TEK: variants seen among roughly 807,000 people sequenced by gnomAD.
TEK encodes the protein angiopoietin-1 receptor.
TEK carries 43 observed loss-of-function variants against 131.8 expected under a neutral mutation model. That is an observed-to-expected ratio of 0.33 (90% CI 0.26 to 0.42). TEK has a LOEUF of 0.42. Among genes scored for constraint, TEK ranks in the 10% least tolerant of loss-of-function variants. The probability of loss-of-function intolerance (pLI) is 1.00; values close to 1 mark genes in which losing one functional copy is unlikely to be tolerated. For missense variants in TEK, 1,162 were observed against 1,384.4 expected, an observed-to-expected ratio of 0.84 and a Z score of 2.55; for synonymous variants, 580 against 491.6, an observed-to-expected ratio of 1.18 and a Z score of -2.38.
At chr9:27,216,831 AT>A (rs1323212862) in intron 18 of TEK, among the ~76,000 whole-genome samples, 1 of 152,084 alleles carries the variant, frequency 6.6e-6, no homozygotes, top group Non-Finnish European at 1.5e-5. Context: ...CCACTGGCTA[AT>A]CTAGGTGGAG....
chr9:27,197,230 A>T, intron 11 of TEK, 85 bp from the exon 12 acceptor site: 1 of 1,467,054 alleles, frequency 6.8e-7, no homozygotes, highest in Admixed American at 1.7e-5. Context: ...TGGGGATTAC[A>T]TTTCAGTATG....
chr9:27,223,248 C>T (rs559767824), intron 21 of TEK, among the ~76,000 whole-genome samples: 66 of 152,148 alleles, frequency 4.3e-4, no homozygotes, highest in African/African-American at 1.3e-3. Context: ...ATATTCAGGA[C>T]TTGAATTCAG....
chr9:27,157,986 G>C lies in TEK; in HGVS notation c.208G>C (p.Asp70His). Residue 70 changes from aspartate (D) to histidine (H), a missense_variant, in exon 2 of 23, where the codon GAT becomes CAT. Around this residue, in one of 6 missense-constraint regions of TEK, gnomAD observed 436 missense variants for 539.1 expected, o/e 0.81. Coordinates refer to ENST00000380036, the MANE Select transcript of TEK (RefSeq NM_000459.5). Reference protein sequence around the residue: ...DFEALMNQHQDPLEVTQDVTR... With the variant: ...DFEALMNQHQHPLEVTQDVTR... Reference sequence around the variant, plus strand: ...TGAAGCCTTAATGAACCAGCACCAGGATCCGCTGGAAGTTACTCAAGATGT... The same window carrying C: ...TGAAGCCTTAATGAACCAGCACCAGCATCCGCTGGAAGTTACTCAAGATGT... 6.2e-7 allele frequency: 1 copy of C among 1,614,040 alleles called. No individual in the cohort carries two copies. The highest frequency in any genetic ancestry group is 1.1e-5 in the South Asian group (1 of 91,048).
chr9:27,185,929 G>A (rs1448510089), intron 9 of TEK, among the ~76,000 whole-genome samples: 1 of 152,116 alleles, frequency 6.6e-6, no homozygotes, highest in Non-Finnish European at 1.5e-5. Context: ...CATAATTTAG[G>A]TACCTCTTAG....
chr9:27,172,755 A>G lies in TEK; in HGVS notation c.760+8A>G. On this transcript the variant is annotated splice_region_variant and intron_variant, in intron 5 of 22. Coordinates refer to ENST00000380036, the MANE Select transcript of TEK (RefSeq NM_000459.5). ...GAAGGACGTGTGAGAAGGGTAAGTA[A>G]AGAGACTTGATAAGTAAGCTGTGGA... 6.2e-7 allele frequency: 1 copy of G among 1,613,228 alleles called. No individual in the cohort carries two copies. Among genetic ancestry groups the G allele is most frequent in the Non-Finnish European group, 8.5e-7 (1 of 1,179,428 alleles).
intron 1 of TEK, among the ~76,000 whole-genome samples, chr9:27,123,388 T>C (rs1821872846): frequency 6.6e-6 from 1 of 152,182 alleles, no homozygotes; most frequent in Non-Finnish European, 1.5e-5. Flanking sequence ...GAAAGAGCTC[T>C]GCCATCACAG....
intron 1 of TEK, among the ~76,000 whole-genome samples, chr9:27,139,111 G>T (rs1159413923): frequency 1.3e-5 from 2 of 150,124 alleles, no homozygotes; most frequent in Non-Finnish European, 3.0e-5. Flanking sequence ...CCGGAGGGAG[G>T]CTGAGGCAGG....
intron 11 of TEK, among the ~76,000 whole-genome samples, chr9:27,195,513 T>A (rs1046874441): frequency 5.3e-5 from 8 of 152,186 alleles, no homozygotes; most frequent in African/African-American, 1.9e-4. Context: ...TCTCATACAC[T>A]AAGAACAAAT....
At chr9:27,220,010 T>C (rs1159959546) in intron 20 of TEK, 39 bp from the exon 21 acceptor site, 1 of 1,601,378 alleles carries the variant, frequency 6.2e-7, no homozygotes, top group Non-Finnish European at 8.6e-7. Context: ...TTGCTTTTCA[T>C]GCCAGAGAGG....
intron 1 of TEK, among the ~76,000 whole-genome samples, chr9:27,112,713 A>C (rs1301609917): frequency 6.6e-6 from 1 of 152,190 alleles, no homozygotes; most frequent in African/African-American, 2.4e-5. Flanking sequence ...TTCTCTGTAG[A>C]TGGCTTACTG....
intron 21 of TEK, among the ~76,000 whole-genome samples, chr9:27,220,513 C>T (rs999335082): frequency 6.6e-6 from 1 of 152,118 alleles, no homozygotes; most frequent in Non-Finnish European, 1.5e-5. Context: ...TTCGGGCTGG[C>T]AAGATGGCTG....
rs769170019 is a variant in TEK at position 27,185,571 on chromosome 9, C to G, written c.1269C>G (p.Val423=). ...RILPPDSGVW[V]CSVNTVAGMV... ...TCCCCCCTGACTCAGGAGTTTGGGT[C>G]TGCAGTGTGAACACAGTGGCTGGGA... The change falls in exon 9 of 23, where the codon GTC becomes GTG. Residue 423 remains valine, a synonymous_variant. Transcript: ENST00000380036. 5.0e-6 allele frequency: 8 copies of G among 1,613,698 alleles called. No homozygotes were observed. Among genetic ancestry groups the G allele is most frequent in the Non-Finnish European group, 6.8e-6 (8 of 1,179,818 alleles).
intron 9 of TEK, among the ~76,000 whole-genome samples, chr9:27,190,017 A>G (rs757387844): frequency 4.1e-4 from 63 of 152,350 alleles, no homozygotes; most frequent in Admixed American, 3.9e-4. Context: ...TTCAGTTTCT[A>G]TGATAGCCAC....
intron 16 of TEK, among the ~76,000 whole-genome samples, chr9:27,211,353 A>G (rs1039887008): frequency 4.0e-5 from 6 of 149,826 alleles, no homozygotes; most frequent in Non-Finnish European, 7.4e-5. Flanking sequence ...TTTAGGTCTA[A>G]CTTTCATTAT....
chr9:27,219,406 A>ATGTTGT (rs1825957514), intron 20 of TEK, among the ~76,000 whole-genome samples: 1 of 152,118 alleles, frequency 6.6e-6, no homozygotes, highest in Admixed American at 6.5e-5. Context: ...CAAACACCAC[A>ATGTTGT]TGTTGTCACT....
intron 18 of TEK, among the ~76,000 whole-genome samples, chr9:27,217,030 G>A (rs1825841674): frequency 6.6e-6 from 1 of 152,148 alleles, no homozygotes; most frequent in Non-Finnish European, 1.5e-5. Flanking sequence ...GCCTAGCCTG[G>A]GATCAGTAAA....
At chr9:27,201,947 GC>G (rs1256908188) in intron 12 of TEK, among the ~76,000 whole-genome samples, 1 of 152,180 alleles carries the variant, frequency 6.6e-6, no homozygotes, top group African/African-American at 2.4e-5. Flanking sequence ...GCATGTGGAA[GC>G]ACATTGTAAA....
rs563961610 is a variant in TEK at position 27,160,010 on chromosome 9, G to GTTT, written c.364+1896_364+1898dup. ...ATAATGACATTGTCAGCTGTTTAGGGTTTTTTTTTTTTTTTTTTTTTTTTT... is the reference window on the plus strand; with the variant it reads ...ATAATGACATTGTCAGCTGTTTAGGGTTTTTTTTTTTTTTTTTTTTTTTTTTTT... On this transcript the variant is annotated intron_variant, in intron 2 of 22. Transcript: ENST00000380036. Among the ~76,000 whole-genome samples the GTTT allele has an allele frequency of 5.6e-3, 473 of 84,324 alleles. 8 individuals carry two copies. The highest frequency in any genetic ancestry group is 0.029 in the East Asian group (75 of 2,588). The allele number at this position is 84,324 out of a possible 152,430, so 55.3% of individuals were successfully genotyped here.
At chr9:27,136,080 C>A (rs925216737) in intron 1 of TEK, among the ~76,000 whole-genome samples, 1 of 113,636 alleles carries the variant, frequency 8.8e-6, no homozygotes. Context: ...ATTCCCAGGG[C>A]AGTTATTTTT....
Sources: gnomAD v4.1 joint callset for allele counts (sites outside exome capture counted in the v4.1 genomes callset) on GRCh38, gnomAD v4.1.1 for gene constraint, gnomAD v4.1.1 regional missense constraint, MANE v1.5 for transcripts, NCBI Gene and HGNC (gene_info 2026-07-23, HGNC 2026-07-21) for gene names.